ZNF226: variants seen among roughly 807,000 people sequenced by gnomAD.
The protein encoded by ZNF226 is zinc finger protein 226.
ZNF226 carries 6 observed loss-of-function variants against 11.4 expected under a neutral mutation model. That is an observed-to-expected ratio of 0.53 (90% CI 0.29 to 1.04). The LOEUF is 1.04. ZNF226 is among the 50% of genes least tolerant of loss of function. ZNF226 has a pLI of 0.08. For synonymous variants in ZNF226, 350 were observed against 322.8 expected, an observed-to-expected ratio of 1.08 and a Z score of -0.90; for missense variants, 1,058 against 956.5, an observed-to-expected ratio of 1.11 and a Z score of -1.40.
At chr19:44,173,019 G>A in intron 5 of ZNF226, 67 bp downstream of exon 5, 2 of 1,451,518 alleles carry the variant, frequency 1.4e-6, no homozygotes, top group Non-Finnish European at 1.9e-6. Context: ...TCTTAGCCTT[G>A]TTGCCATCAC....
chr19:44,169,557 T>TA (rs1294199456), intron 2 of ZNF226: 5 of 152,478 alleles, frequency 3.3e-5, no homozygotes, highest in African/African-American at 1.2e-4. Flanking sequence ...ATCTTCTACT[T>TA]ATTGCAGTTG....
the ZNF226 span, among the ~76,000 whole-genome samples, chr19:44,195,223 T>C: frequency 2.0e-5 from 3 of 152,132 alleles, no homozygotes; most frequent in African/African-American, 7.2e-5. Flanking sequence ...TATAGCCAAA[T>C]CCAGATCCTG....
At chr19:44,195,727 G>C in the ZNF226 span, among the ~76,000 whole-genome samples, 1 of 152,172 alleles carries the variant, frequency 6.6e-6, no homozygotes, top group Non-Finnish European at 1.5e-5. Flanking sequence ...TGCAGTCTTT[G>C]TGATCGTTCC....
At position 44,172,069 on chromosome 19, in the gene ZNF226, T is replaced by G. The variant is rs1259796978; in HGVS notation, c.16-19T>G. ...GTGGACATTGGTTGTAAGATTGAGG[T>G]CATTTGTTTTTGTCGTAGGAAGCAG... On this transcript the variant is annotated intron_variant, in intron 3 of 5. Coordinates refer to ENST00000337433, the MANE Select transcript of ZNF226 (RefSeq NM_001032373.2). 2.9e-5 allele frequency: 47 copies of G among 1,606,838 alleles called. No individual in the cohort carries two copies. Among genetic ancestry groups the G allele is most frequent in the Non-Finnish European group, 4.0e-5 (47 of 1,175,406 alleles).
the ZNF226 span, among the ~76,000 whole-genome samples, chr19:44,192,837 C>G: frequency 6.6e-6 from 1 of 152,042 alleles, no homozygotes; most frequent in African/African-American, 2.4e-5. Flanking sequence ...CACATAAATA[C>G]ATCAAGAAAA....
rs1491298112 is a variant in ZNF226, at chr19:44,170,715, CAG to C, written c.15+623_15+624del. On this transcript the variant is annotated intron_variant, in intron 3 of 5. Transcript: ENST00000337433. ...TACCACTGCACTCCAGCCAGGGTGA[CAG>C]AGCGAGACTCCGTCTCAAAAAAATA... Among the ~76,000 whole-genome samples, 24 of 152,194 alleles carry C rather than the reference CAG, an allele frequency of 1.6e-4. 1 individual carries two copies. The highest frequency in any genetic ancestry group is 1.6e-3 in the Admixed American group (24 of 15,286).
At chr19:44,194,146 G>A in the ZNF226 span, among the ~76,000 whole-genome samples, 2 of 152,164 alleles carry the variant, frequency 1.3e-5, no homozygotes, top group Admixed American at 1.3e-4. Context: ...AGACTGGCAG[G>A]TGCCTCAGTG....
intron 4 of ZNF226, chr19:44,172,459 T>C: frequency 2.4e-6 from 1 of 423,138 alleles, no homozygotes; most frequent in Admixed American, 4.3e-5. Context: ...GTTTTACACC[T>C]GTCCCAGTAT....
chr19:44,186,655 C>G, the ZNF226 span, among the ~76,000 whole-genome samples: 2 of 152,004 alleles, frequency 1.3e-5, no homozygotes, highest in African/African-American at 4.8e-5. Context: ...TTTAATTCTT[C>G]TTTCCAATTT....
rs761357213 is a variant in ZNF226, at chr19:44,175,725, G to A, written c.463G>A (p.Gly155Ser). ...DENYIVNKAD[G>S]PNNTGNPEFP... ...GAACTATATAGTAAATAAAGCAGAT[G>A]GTCCCAATAATACTGGGAATCCAGA... is the stretch of plus-strand genomic sequence containing the variant. Residue 155 changes from glycine to serine, a missense_variant, in exon 6 of 6, where the codon GGT (glycine) becomes AGT (serine). Transcript: ENST00000337433. The A allele has an allele frequency of 1.9e-6, 3 of 1,612,416 alleles. No individual in the cohort carries two copies. The highest frequency in any genetic ancestry group is 1.7e-4 in the Middle Eastern group (1 of 6,058).
At chr19:44,179,538 A>G (rs1970875109), downstream of ZNF226, among the ~76,000 whole-genome samples, 1 of 152,200 alleles carries the variant, frequency 6.6e-6, no homozygotes, top group African/African-American at 2.4e-5. Flanking sequence ...GTAAGAGTGA[A>G]TATATATTTG....
chr19:44,168,990 C>T (rs1846191071), intron 2 of ZNF226, among the ~76,000 whole-genome samples: 1 of 145,292 alleles, frequency 6.9e-6, no homozygotes, highest in Non-Finnish European at 1.5e-5. Context: ...TCAGGTTCCT[C>T]CCTTTTCCTT....
chr19:44,199,179 CTGTTGT>C, the ZNF226 span, among the ~76,000 whole-genome samples: 1 of 151,800 alleles, frequency 6.6e-6, no homozygotes, highest in South Asian at 2.1e-4. Context: ...GTTGTTGTTG[CTGTTGT>C]TGTTGTTGAG....
chr19:44,170,211 C>A, intron 3 of ZNF226, 116 bp downstream of exon 3: 1 of 937,772 alleles, frequency 1.1e-6, no homozygotes, highest in Non-Finnish European at 1.6e-6. Flanking sequence ...GTTGAGTGTG[C>A]TAGGTGCTTA....
At chr19:44,168,594 G>A (rs1390184660) in intron 2 of ZNF226, among the ~76,000 whole-genome samples, 1 of 152,092 alleles carries the variant, frequency 6.6e-6, no homozygotes, top group Non-Finnish European at 1.5e-5. Context: ...TTTGTAAAAT[G>A]TTCTTATTTT....
chr19:44,187,743 T>C, the ZNF226 span, among the ~76,000 whole-genome samples: 2 of 152,090 alleles, frequency 1.3e-5, no homozygotes, highest in African/African-American at 4.8e-5. This position sits in a 1 kb window ranked among gnomAD's most constrained non-coding sequence, Gnocchi z 4.0. Context: ...ATTTCTTGTT[T>C]TTAAAGGTAA....
At chr19:44,185,514 C>T in the ZNF226 span, among the ~76,000 whole-genome samples, 238 of 152,228 alleles carry the variant, frequency 1.6e-3, no homozygotes, top group Middle Eastern at 0.014. Context: ...TATTGAACAT[C>T]TTTTCATGTA....
At chr19:44,194,587 T>C in the ZNF226 span, among the ~76,000 whole-genome samples, 1 of 152,198 alleles carries the variant, frequency 6.6e-6, no homozygotes, top group Non-Finnish European at 1.5e-5. Context: ...TCCTAGTGGC[T>C]TTAATTGTCC....
At chr19:44,182,602 G>A (rs900805800), downstream of ZNF226, among the ~76,000 whole-genome samples, 1 of 152,162 alleles carries the variant, frequency 6.6e-6, no homozygotes, top group Admixed American at 6.5e-5. Flanking sequence ...GTTCATTGGC[G>A]AGAGGAGCAT....
Sources: allele counts gnomAD v4.1 joint callset (sites outside exome capture counted in the v4.1 genomes callset), GRCh38; gene constraint gnomAD v4.1.1; non-coding constraint Gnocchi (gnomAD v3.1); transcripts MANE v1.5; gene names NCBI Gene and HGNC (gene_info 2026-07-23, HGNC 2026-07-21).